Variants in COL4A1 observed in about 807,000 individuals in gnomAD.
COL4A1 encodes collagen alpha-1(IV) chain.
A neutral mutation model predicts 216.6 loss-of-function variants in COL4A1; 40 were observed. The observed-to-expected ratio is 0.18, with a 90% CI of 0.14 to 0.24. The LOEUF (loss-of-function observed/expected upper bound fraction) is 0.24. COL4A1 is among the 10% of genes least tolerant of loss of function. The probability of loss-of-function intolerance (pLI) is 1.00; values close to 1 mark genes in which losing one functional copy is unlikely to be tolerated. For synonymous variants in COL4A1, 839 were observed against 810.7 expected (o/e 1.03, Z -0.59); for missense variants, 1,628 against 2,196.8 (o/e 0.74, Z 5.18).
At chr13:110,228,395 C>T (rs918672077) in intron 2 of COL4A1, among the ~76,000 whole-genome samples, 15 of 152,134 alleles carry the variant, frequency 9.9e-5, no homozygotes, top group Non-Finnish European at 1.5e-4. Context: ...TAATGACTAC[C>T]CACTTCCGGG....
chr13:110,156,246 G>A (rs991310282), intron 49 of COL4A1, among the ~76,000 whole-genome samples: 1 of 152,170 alleles, frequency 6.6e-6, no homozygotes, highest in Non-Finnish European at 1.5e-5. Context: ...CAATGCATAC[G>A]TATTTCCACA....
chr13:110,150,948 A>C (rs1594526065), intron 51 of COL4A1, among the ~76,000 whole-genome samples: 1 of 152,230 alleles, frequency 6.6e-6, no homozygotes, highest in African/African-American at 2.4e-5. Flanking sequence ...ACCTCGAAAT[A>C]CTTTTATAAC....
intron 1 of COL4A1, among the ~76,000 whole-genome samples, chr13:110,246,928 C>T (rs1280639891): frequency 6.6e-6 from 1 of 152,080 alleles, no homozygotes; most frequent in Non-Finnish European, 1.5e-5. Flanking sequence ...GCAGTCTCCA[C>T]TTGGAAGACG....
intron 1 of COL4A1, among the ~76,000 whole-genome samples, chr13:110,287,164 A>G (rs1297883359): frequency 6.6e-6 from 1 of 152,220 alleles, no homozygotes; most frequent in African/African-American, 2.4e-5. Flanking sequence ...GGCACTGGAC[A>G]TGCAGAGACG....
At chr13:110,218,117 T>C (rs1880179926) in intron 2 of COL4A1, among the ~76,000 whole-genome samples, 2 of 152,180 alleles carry the variant, frequency 1.3e-5, no homozygotes, top group South Asian at 4.1e-4. Context: ...ATGAAGCTTC[T>C]AAATGTGGGG....
At chr13:110,252,050 G>A (rs1028018692) in intron 1 of COL4A1, among the ~76,000 whole-genome samples, 3 of 151,988 alleles carry the variant, frequency 2.0e-5, no homozygotes, top group African/African-American at 7.3e-5. Context: ...TTGAGGTAGA[G>A]TCTCGCTCTG....
chr13:110,283,145 T>C (rs556926190), intron 1 of COL4A1, among the ~76,000 whole-genome samples: 1 of 152,352 alleles, frequency 6.6e-6, no homozygotes, highest in South Asian at 2.1e-4. Flanking sequence ...TGTTCAGTTC[T>C]TCATAGGAAA....
rs1231816571 is a variant in COL4A1, at chr13:110,206,733, A to G, written c.808-18T>C. Reference sequence around the variant, plus strand: ...GGCATCCCCTTAAAGGAATAAAAAGACAAAGAGATTTATTCGTCTATTTAA... The same window carrying G: ...GGCATCCCCTTAAAGGAATAAAAAGGCAAAGAGATTTATTCGTCTATTTAA... On this transcript the variant is annotated intron_variant, in intron 14 of 51. Transcript: ENST00000375820. 4.3e-6 allele frequency: 7 copies of G among 1,613,690 alleles called. No homozygotes were observed. The highest frequency in any genetic ancestry group is 5.9e-6 in the Non-Finnish European group (7 of 1,179,760).
In COL4A1 at chr13:110,211,838, AG is replaced by A. The variant is rs778627906; in HGVS notation, c.441+30del. The A allele has an allele frequency of 5.6e-6, 9 of 1,612,942 alleles. No homozygotes were observed. In the South Asian group the frequency reaches 9.9e-5, roughly 18 times the overall value. ...AAGAGAGAAGTCATAACTAAAAGAA[AG>A]AAGTTCTGCCCTAAATAACCTCTAC... On this transcript the variant is annotated intron_variant, in intron 7 of 51. Transcript: ENST00000375820. The surrounding 1 kb of genome is among the most constrained non-coding windows in gnomAD (Gnocchi z 4.3).
chr13:110,274,772 A>T (rs911801146), intron 1 of COL4A1, among the ~76,000 whole-genome samples: 4 of 152,212 alleles, frequency 2.6e-5, no homozygotes, highest in African/African-American at 9.6e-5. Flanking sequence ...TTAGGGATGT[A>T]CTAATTGAAC....
chr13:110,237,930 T>C (rs1247996570), intron 2 of COL4A1, among the ~76,000 whole-genome samples: 1 of 152,254 alleles, frequency 6.6e-6, no homozygotes, highest in African/African-American at 2.4e-5. Context: ...CCAGATTTCC[T>C]GGGCCAGCAA....
intron 48 of COL4A1, 38 bp from the exon 49 acceptor site, chr13:110,161,407 A>G (rs1365504543): frequency 1.9e-6 from 3 of 1,565,224 alleles, no homozygotes; most frequent in African/African-American, 2.7e-5. Flanking sequence ...TGTTTCCTTT[A>G]TAATTCACAA....
intron 50 of COL4A1, among the ~76,000 whole-genome samples, chr13:110,153,187 T>C (rs1393052098): frequency 6.6e-6 from 1 of 152,192 alleles, no homozygotes; most frequent in Non-Finnish European, 1.5e-5. Flanking sequence ...TCTAGAATTT[T>C]GGAGACACAA....
intron 17 of COL4A1, among the ~76,000 whole-genome samples, chr13:110,204,545 T>C (rs1226088788): frequency 3.9e-5 from 6 of 152,044 alleles, no homozygotes; most frequent in African/African-American, 1.2e-4. Context: ...TTATCTCTTA[T>C]ATTAGTAAAG....
In COL4A1 at chr13:110,183,065, G is replaced by A. The variant is rs994562676; in HGVS notation, c.2023C>T (p.Pro675Ser). 10 of 1,613,180 alleles carry A rather than the reference G, an allele frequency of 6.2e-6. No homozygotes were observed. Among genetic ancestry groups the A allele is most frequent in the Non-Finnish European group, 8.5e-6 (10 of 1,179,840 alleles). ...DRGFPGTPGR[P>S]GLPGEKGAVG... is the part of the protein sequence containing the mutation. ...GCGCCCTTCTCTCCTGGCAGGCCTG[G>A]CCTTCCTGGGGTTCCGGGAAAGCCT... The change falls in exon 28 of 52, where the codon CCA (proline) becomes TCA (serine). Residue 675 changes from proline to serine, a missense_variant. Physicochemically the swap from Pro to Ser is moderately conservative, Grantham distance 74 (BLOSUM62 -1). Transcript: ENST00000375820.
intron 26 of COL4A1, among the ~76,000 whole-genome samples, chr13:110,185,368 A>G (rs1175325392): frequency 2.0e-5 from 3 of 151,706 alleles, no homozygotes; most frequent in Non-Finnish European, 4.4e-5. Flanking sequence ...CTGGTCTCCA[A>G]TGTCTGACCT....
At chr13:110,187,472 A>G in intron 24 of COL4A1, 143 bp from the exon 25 acceptor site, 1 of 944,210 alleles carries the variant, frequency 1.1e-6, no homozygotes, top group South Asian at 1.5e-5. Flanking sequence ...GATTTTCTAG[A>G]TGCAAGCCAG....
intron 17 of COL4A1, among the ~76,000 whole-genome samples, chr13:110,204,559 T>A (rs576998637): frequency 1.3e-5 from 2 of 151,750 alleles, no homozygotes; most frequent in Non-Finnish European, 1.5e-5. Context: ...AGTAAAGACT[T>A]ACATTACCTA....
At chr13:110,283,958 G>A (rs1566443109) in intron 1 of COL4A1, among the ~76,000 whole-genome samples, 1 of 152,166 alleles carries the variant, frequency 6.6e-6, no homozygotes, top group East Asian at 1.9e-4. Context: ...TATGACAGTG[G>A]TGGCCACAGG....
Sources: gnomAD v4.1 joint callset for allele counts (sites outside exome capture counted in the v4.1 genomes callset) on GRCh38, gnomAD v4.1.1 for gene constraint, Gnocchi (gnomAD v3.1) non-coding constraint, MANE v1.5 for transcripts, NCBI Gene and HGNC (gene_info 2026-07-23, HGNC 2026-07-21) for gene names.